CCDC125: variants seen among roughly 807,000 people sequenced by gnomAD.
CCDC125 encodes coiled-coil domain containing 125, also known as coiled-coil domain-containing protein 125.
Under a neutral mutation model 57.4 loss-of-function variants are expected in CCDC125, and 43 were observed. The observed-to-expected ratio is 0.75, with a 90% confidence interval of 0.59 to 0.97. The LOEUF (loss-of-function observed/expected upper bound fraction) is 0.97, where lower values mean the gene tolerates loss of function less well. Among genes scored for constraint, CCDC125 ranks in the 50% least tolerant of loss-of-function variants. The pLI is 0.00. For missense variants in CCDC125, 563 were observed against 595.7 expected, an observed-to-expected ratio of 0.95 and a Z score of 0.57; for synonymous variants, 187 against 195.2, an observed-to-expected ratio of 0.96 and a Z score of 0.35.
chr5:69,274,366 G>A, the CCDC125 span, among the ~76,000 whole-genome samples: 1 of 152,124 alleles, frequency 6.6e-6, no homozygotes, highest in Non-Finnish European at 1.5e-5. Context: ...CCGGTGCATC[G>A]GCTCACACCT....
intron 7 of CCDC125, among the ~76,000 whole-genome samples, chr5:69,302,076 C>A (rs1256722504): frequency 6.6e-6 from 1 of 151,158 alleles, no homozygotes; most frequent in Non-Finnish European, 1.5e-5. Context: ...GAGCAAGACC[C>A]TGTGTGAAAA....
In CCDC125 at chr5:69,282,739, A is replaced by AT. The variant is rs764977669; in HGVS notation, c.1525dup (p.Ile509AsnfsTer22). The AT allele has an allele frequency of 1.9e-6, 3 of 1,588,348 alleles. No individual in the cohort carries two copies. Among genetic ancestry groups the AT allele is most frequent in the East Asian group, 2.2e-5 (1 of 44,542 alleles). On this transcript the variant is annotated frameshift_variant, in exon 12 of 12. Transcript: ENST00000396496. LOFTEE classifies it high-confidence loss of function. ...TCAACTGGCTTGTCTTTAAAATATG[A>AT]TACTTGATGGCAAAGAATGGGATCT...
chr5:69,305,075 G>C (rs1480034727), intron 6 of CCDC125, among the ~76,000 whole-genome samples: 1 of 149,976 alleles, frequency 6.7e-6, no homozygotes, highest in East Asian at 1.9e-4. Context: ...GGAAAAAAAA[G>C]ATACATAGGG....
rs553333878 is a variant in CCDC125, at chr5:69,305,727, G to A, written c.617+1090C>T. ...GTTGTGCAAGCCTGCACCGAGTCAAGCAGCTGACTGACAACCACCTCCTCC... is the reference window on the plus strand; with the variant it reads ...GTTGTGCAAGCCTGCACCGAGTCAAACAGCTGACTGACAACCACCTCCTCC... On this transcript the variant is annotated intron_variant, in intron 6 of 11. Transcript: ENST00000396496. 3.3e-5 allele frequency among the ~76,000 whole-genome samples: 5 copies of A among 152,268 alleles called. No individual in the cohort carries two copies. The South Asian group carries it at 1.0e-3, about 32-fold the overall frequency.
At position 69,286,188 on chromosome 5, in the gene CCDC125, C is replaced by CTATATATATA. The variant is rs59035946; in HGVS notation, c.1100-731_1100-722dup. On this transcript the variant is annotated intron_variant, in intron 10 of 11. Coordinates refer to ENST00000396496, the MANE Select transcript of CCDC125 (RefSeq NM_176816.5). ...ACTTAAAAACAGTTCAAATGGTAAA[C>CTATATATATA]TATATATATATATATATATATATAT... Among the ~76,000 whole-genome samples the CTATATATATA allele has an allele frequency of 1.9e-3, 97 of 51,332 alleles. 1 individual carries two copies. Among genetic ancestry groups the CTATATATATA allele is most frequent in the Non-Finnish European group, 2.4e-3 (70 of 29,230 alleles). The allele number at this position is 51,332 out of a possible 152,430, so 33.7% of individuals were successfully genotyped here.
intron 1 of CCDC125, among the ~76,000 whole-genome samples, chr5:69,325,976 T>C (rs1760689571): frequency 6.6e-6 from 1 of 151,942 alleles, no homozygotes; most frequent in African/African-American, 2.4e-5. Context: ...CCAAAGTAGC[T>C]GGGACTACAG....
At position 69,286,067 on chromosome 5, in the gene CCDC125, T is replaced by C. The variant is rs559698295; in HGVS notation, c.1100-600A>G. ...TGGAGAAGGGGAAGTGAGGAGTTAC[T>C]GTTTCATGGGACAGGGTCTCTGTAA... On this transcript the variant is annotated intron_variant, in intron 10 of 11. Coordinates refer to ENST00000396496, the MANE Select transcript of CCDC125 (RefSeq NM_176816.5). 1.5e-3 allele frequency among the ~76,000 whole-genome samples: 229 copies of C among 151,570 alleles called. 1 individual carries two copies. The highest frequency in any genetic ancestry group is 5.4e-3 in the African/African-American group (224 of 41,364).
the CCDC125 span, among the ~76,000 whole-genome samples, chr5:69,273,766 A>T: frequency 4.2e-3 from 636 of 152,294 alleles, 5 homozygotes; most frequent in African/African-American, 0.014. Context: ...AATATTAAGC[A>T]TACAAAATAG....
chr5:69,314,872 AATAAAGAAAAAC>A (rs1357878150), intron 2 of CCDC125, among the ~76,000 whole-genome samples: 2 of 126,684 alleles, frequency 1.6e-5, no homozygotes, highest in Non-Finnish European at 3.7e-5. Context: ...TTCAAACAAA[AATAAAGAAAAAC>A]ATGAATATTG....
chr5:69,302,161 C>T (rs887205543), intron 7 of CCDC125, among the ~76,000 whole-genome samples: 4 of 151,626 alleles, frequency 2.6e-5, no homozygotes, highest in Admixed American at 1.3e-4. Context: ...GTGATTCACA[C>T]CTGTAATCCC....
At position 69,320,600 on chromosome 5, in the gene CCDC125, T is replaced by A; in HGVS notation, c.-40-20A>T. 5.1e-6 allele frequency: 6 copies of A among 1,173,746 alleles called. No homozygotes were observed. Among genetic ancestry groups the A allele is most frequent in the Non-Finnish European group, 7.3e-6 (6 of 820,964 alleles). The allele number at this position is 1,173,746 out of a possible 1,614,324, so 72.7% of individuals were successfully genotyped here. A position where few individuals can be genotyped will look rare whatever the true frequency, so the allele number is the denominator to read the frequency against. On this transcript the variant is annotated intron_variant, in intron 1 of 11. Transcript: ENST00000396496. Reference sequence around the variant, plus strand: ...GGCTGTCTGTAGTTAAGAAAAACAGTAGTTAGGAAAACATCAGTAGATCCA... The same window carrying A: ...GGCTGTCTGTAGTTAAGAAAAACAGAAGTTAGGAAAACATCAGTAGATCCA...
chr5:69,283,101 A>T, intron 11 of CCDC125, 67 bp from the exon 12 acceptor site: 1 of 1,264,646 alleles, frequency 7.9e-7, no homozygotes. Flanking sequence ...CAGAGAAAGG[A>T]GTATTGTACT....
At chr5:69,295,665 C>T (rs60323522) in intron 8 of CCDC125, among the ~76,000 whole-genome samples, 3 of 152,246 alleles carry the variant, frequency 2.0e-5, no homozygotes, top group East Asian at 1.9e-4. Context: ...CAGATGACTT[C>T]GAAAAGAACC....
Position 69,282,813 on chromosome 5 carries a change from A to G in CCDC125, c.1452T>C (p.Ile484=), listed in dbSNP as rs374598741. The part of the protein sequence containing the change: ...SVCILNSVGC[I]CSIQHSQIDP... ...CTATTTGAGAGTGCTGGATTGAACA[A>G]ATGCAGCCCACAGAATTTAAAATGC... The change falls in exon 12 of 12, where the codon ATT becomes ATC. Residue 484 remains isoleucine, a synonymous_variant. Coordinates refer to ENST00000396496, the MANE Select transcript of CCDC125 (RefSeq NM_176816.5). 1 of 1,614,138 alleles carries G rather than the reference A, an allele frequency of 6.2e-7. No individual in the cohort carries two copies.
chr5:69,285,190 C>A, intron 11 of CCDC125, 147 bp downstream of exon 11: 3 of 569,912 alleles, frequency 5.3e-6, no homozygotes, highest in Non-Finnish European at 8.7e-6. Flanking sequence ...ATATATATAT[C>A]AAAAAGATCT....
chr5:69,299,056 G>C (rs1282804322), intron 8 of CCDC125, among the ~76,000 whole-genome samples: 1 of 151,824 alleles, frequency 6.6e-6, no homozygotes, highest in African/African-American at 2.4e-5. Context: ...AACTTGCTCA[G>C]GACTATGCAG....
chr5:69,306,527 C>T (rs940309795), intron 6 of CCDC125, among the ~76,000 whole-genome samples: 4 of 152,124 alleles, frequency 2.6e-5, no homozygotes, highest in Admixed American at 2.6e-4. Flanking sequence ...AGGGTTTCAA[C>T]ATGTTGCCCA....
At chr5:69,315,101 CA>C (rs1758795465) in intron 2 of CCDC125, among the ~76,000 whole-genome samples, 1 of 151,448 alleles carries the variant, frequency 6.6e-6, no homozygotes, top group South Asian at 2.1e-4. Context: ...ACTAAAAACA[CA>C]AAAATTAGCT....
At chr5:69,299,867 C>A in intron 8 of CCDC125, 145 bp downstream of exon 8, 3 of 671,896 alleles carry the variant, frequency 4.5e-6, no homozygotes, top group East Asian at 2.5e-5. Flanking sequence ...CTGGAAGAAC[C>A]AACCTGGGCC....
Sources: gnomAD v4.1 joint callset for allele counts (sites outside exome capture counted in the v4.1 genomes callset) on GRCh38, gnomAD v4.1.1 for gene constraint, MANE v1.5 for transcripts, NCBI Gene and HGNC (gene_info 2026-07-23, HGNC 2026-07-21) for gene names.